Variants in DENND1A observed in about 807,000 individuals in gnomAD.
DENND1A encodes DENN domain containing 1A, also known as DENN domain-containing protein 1A.
A neutral mutation model predicts 113.7 loss-of-function variants in DENND1A; 51 were observed. That is an observed-to-expected ratio of 0.45 (90% CI 0.36 to 0.57). DENND1A has a LOEUF of 0.57. Among genes scored for constraint, DENND1A ranks in the 20% least tolerant of loss-of-function variants. The pLI is 0.00. For synonymous variants in DENND1A, 565 were observed against 570.8 expected, an observed-to-expected ratio of 0.99 and a Z score of 0.14; for missense variants, 1,258 against 1,395.9, an observed-to-expected ratio of 0.90 and a Z score of 1.57.
At chr9:123,421,867 T>C (rs998540996) in intron 19 of DENND1A, among the ~76,000 whole-genome samples, 3 of 152,222 alleles carry the variant, frequency 2.0e-5, no homozygotes, top group South Asian at 2.1e-4. Flanking sequence ...CAGCATGCCA[T>C]TCAAGACCTG....
At chr9:123,390,734 C>T (rs1683582384) in intron 21 of DENND1A, among the ~76,000 whole-genome samples, 2 of 152,224 alleles carry the variant, frequency 1.3e-5, no homozygotes, top group South Asian at 4.1e-4. Flanking sequence ...CCCGGATGGT[C>T]CACCCCCAGG....
At chr9:123,802,579 T>C (rs1323585168) in intron 2 of DENND1A, among the ~76,000 whole-genome samples, 5 of 5,122 alleles carry the variant, frequency 9.8e-4, no homozygotes, top group South Asian at 4.5e-3. Flanking sequence ...CCCTTAGTAA[T>C]TGCAAATTTC....
At chr9:123,626,926 C>G (rs558491550) in intron 10 of DENND1A, among the ~76,000 whole-genome samples, 5 of 152,224 alleles carry the variant, frequency 3.3e-5, no homozygotes, top group Admixed American at 6.5e-5. Context: ...ACTGCTCTTC[C>G]TCCCTCAGGA....
At chr9:123,664,796 T>C (rs2063415344) in intron 8 of DENND1A, among the ~76,000 whole-genome samples, 1 of 152,228 alleles carries the variant, frequency 6.6e-6, no homozygotes, top group Admixed American at 6.5e-5. Context: ...AAGAGTTTAG[T>C]ATGCTCTATT....
At chr9:123,486,158 C>A (rs77086544) in intron 13 of DENND1A, among the ~76,000 whole-genome samples, 19,014 of 152,180 alleles carry the variant, frequency 0.12, 1,387 homozygotes, top group African/African-American at 0.2. Flanking sequence ...ATTTCCTCCT[C>A]TGTAAAAGAA....
At chr9:123,884,270 A>C (rs1037304719) in intron 1 of DENND1A, among the ~76,000 whole-genome samples, 1 of 152,116 alleles carries the variant, frequency 6.6e-6, no homozygotes, top group Admixed American at 6.5e-5. Flanking sequence ...TTTTTGGCTA[A>C]AGGAACTGAA....
chr9:123,746,113 T>C (rs936053294), intron 5 of DENND1A, among the ~76,000 whole-genome samples: 1 of 152,244 alleles, frequency 6.6e-6, no homozygotes, highest in Non-Finnish European at 1.5e-5. Context: ...TGTTTACTTA[T>C]GTGTGTATAA....
At chr9:123,620,701 T>C (rs769241455) in intron 10 of DENND1A, among the ~76,000 whole-genome samples, 1 of 152,214 alleles carries the variant, frequency 6.6e-6, no homozygotes, top group Non-Finnish European at 1.5e-5. Context: ...TGTGTGTGCA[T>C]TTCCTAATCA....
chr9:123,679,586 G>C (rs2064309504), intron 5 of DENND1A, among the ~76,000 whole-genome samples: 10 of 152,224 alleles, frequency 6.6e-5, no homozygotes, highest in Admixed American at 5.9e-4. Flanking sequence ...AGTGATGGCA[G>C]TGTTAAGGTT....
At chr9:123,553,961 T>G (rs1006738094) in intron 13 of DENND1A, among the ~76,000 whole-genome samples, 1 of 152,214 alleles carries the variant, frequency 6.6e-6, no homozygotes, top group Non-Finnish European at 1.5e-5. Flanking sequence ...TGTCACCACG[T>G]TGGCCAGGAT....
chr9:123,835,608 C>T (rs989960137), intron 2 of DENND1A, among the ~76,000 whole-genome samples: 5 of 150,600 alleles, frequency 3.3e-5, no homozygotes, highest in Admixed American at 1.3e-4. Context: ...AACTACTATT[C>T]GTTTACCTAA....
intron 12 of DENND1A, among the ~76,000 whole-genome samples, chr9:123,561,476 A>C (rs2057751683): frequency 6.6e-6 from 1 of 152,202 alleles, no homozygotes; most frequent in Non-Finnish European, 1.5e-5. Context: ...TCAAACTTTG[A>C]AACTGCAAGT....
At chr9:123,809,280 C>T (rs777552415) in intron 2 of DENND1A, among the ~76,000 whole-genome samples, 16 of 152,182 alleles carry the variant, frequency 1.1e-4, no homozygotes, top group Non-Finnish European at 2.4e-4. Context: ...CAGAAAATCA[C>T]AATAGCCATT....
chr9:123,795,536 G>C (rs1291708130), intron 2 of DENND1A, among the ~76,000 whole-genome samples: 1 of 152,136 alleles, frequency 6.6e-6, no homozygotes, highest in African/African-American at 2.4e-5. Context: ...TAAATTTTCT[G>C]TCTGGCAGCA....
At chr9:123,871,591 G>T (rs1410038510) in intron 2 of DENND1A, among the ~76,000 whole-genome samples, 1 of 152,138 alleles carries the variant, frequency 6.6e-6, no homozygotes, top group Non-Finnish European at 1.5e-5. Context: ...ATAGAAATGT[G>T]TATAGTTAGT....
rs1390649031 is a variant in DENND1A, at chr9:123,420,735, T to C, written c.1489-8906A>G. On this transcript the variant is annotated intron_variant, in intron 19 of 23. Coordinates refer to ENST00000394215, the MANE Select transcript of DENND1A (RefSeq NM_001352964.2). ...TTTGAAGCCTTGTCAAGATCCCTGATTACTTCCCGTGCAAAGAGCTCGGCT... is the reference window on the plus strand; with the variant it reads ...TTTGAAGCCTTGTCAAGATCCCTGACTACTTCCCGTGCAAAGAGCTCGGCT... Among the ~76,000 whole-genome samples the C allele has an allele frequency of 3.3e-5, 5 of 152,034 alleles. No homozygotes were observed. The South Asian group carries it at 6.2e-4, about 19-fold the overall frequency.
chr9:123,828,884 A>T (rs1389773847), intron 2 of DENND1A, among the ~76,000 whole-genome samples: 2 of 152,202 alleles, frequency 1.3e-5, no homozygotes, highest in Non-Finnish European at 2.9e-5. Flanking sequence ...AAAGATAGGG[A>T]TCTCTTCTAG....
Position 123,545,426 on chromosome 9 carries a change from T to C in DENND1A, c.993+12144A>G, listed in dbSNP as rs530664427. ...ACAGAACAAATCCACCATCCCTCCATCAACTGTGTGCTGGGGGCATAGGAA... is the reference window on the plus strand; with the variant it reads ...ACAGAACAAATCCACCATCCCTCCACCAACTGTGTGCTGGGGGCATAGGAA... On this transcript the variant is annotated intron_variant, in intron 13 of 23. Transcript: ENST00000394215. Among the ~76,000 whole-genome samples the C allele has an allele frequency of 1.8e-4, 27 of 151,804 alleles. 1 individual carries two copies. In the South Asian group the frequency reaches 2.1e-3, roughly 12 times the overall value.
chr9:123,546,360 A>G (rs761065253), intron 13 of DENND1A, among the ~76,000 whole-genome samples: 31 of 151,902 alleles, frequency 2.0e-4, no homozygotes, highest in Non-Finnish European at 4.3e-4. Flanking sequence ...CATCCTGGCT[A>G]ACACAGTGAA....
Sources: gnomAD v4.1 joint callset for allele counts (sites outside exome capture counted in the v4.1 genomes callset) on GRCh38, gnomAD v4.1.1 for gene constraint, MANE v1.5 for transcripts, NCBI Gene and HGNC (gene_info 2026-07-23, HGNC 2026-07-21) for gene names.